IPCEF1: variants seen among roughly 807,000 people sequenced by gnomAD.
IPCEF1 encodes the protein interactor protein for cytohesin exchange factors 1.
Under a neutral mutation model 50.9 loss-of-function variants are expected in IPCEF1, and 31 were observed. The observed-to-expected ratio is 0.61, with a 90% confidence interval of 0.46 to 0.82. The LOEUF (loss-of-function observed/expected upper bound fraction) is 0.82, where lower values mean the gene tolerates loss of function less well. Among genes scored for constraint, IPCEF1 ranks in the 40% least tolerant of loss-of-function variants. The probability of loss-of-function intolerance (pLI) is 0.00; values close to 1 mark genes in which losing one functional copy is unlikely to be tolerated. For synonymous variants in IPCEF1, 181 were observed against 192.0 expected, an observed-to-expected ratio of 0.94 and a Z score of 0.47; for missense variants, 458 against 514.0, an observed-to-expected ratio of 0.89 and a Z score of 1.05.
chr6:154,283,001 T>G (rs1194342211), intron 2 of IPCEF1, among the ~76,000 whole-genome samples: 1 of 151,950 alleles, frequency 6.6e-6, no homozygotes, highest in African/African-American at 2.4e-5. Context: ...TTTTCAAAGA[T>G]GTATATTTGA....
intron 1 of IPCEF1, among the ~76,000 whole-genome samples, chr6:154,354,437 T>C (rs1287768520): frequency 1.5e-3 from 205 of 134,978 alleles, no homozygotes; most frequent in Non-Finnish European, 2.3e-3. Context: ...ACCTCCACCA[T>C]CTCCTCCACC....
At chr6:154,273,727 T>TC (rs1375876665) in intron 2 of IPCEF1, among the ~76,000 whole-genome samples, 30 of 17,334 alleles carry the variant, frequency 1.7e-3, no homozygotes, top group South Asian at 6.2e-3. Flanking sequence ...TTTCTTTCTT[T>TC]TTTTTTTTTT....
At chr6:154,259,656 A>G (rs1781546442) in intron 3 of IPCEF1, among the ~76,000 whole-genome samples, 1 of 152,056 alleles carries the variant, frequency 6.6e-6, no homozygotes, top group African/African-American at 2.4e-5. Context: ...CTGTCTAAAA[A>G]TAAATAAATA....
intron 5 of IPCEF1, among the ~76,000 whole-genome samples, chr6:154,224,362 T>C (rs943805984): frequency 1.3e-5 from 2 of 152,198 alleles, no homozygotes; most frequent in Non-Finnish European, 2.9e-5. Context: ...CTCTCTCTTA[T>C]GTGACTCAAC....
chr6:154,245,613 C>A (rs574346171), intron 5 of IPCEF1, among the ~76,000 whole-genome samples: 1 of 152,180 alleles, frequency 6.6e-6, no homozygotes, highest in African/African-American at 2.4e-5. Flanking sequence ...TGCATGCCCA[C>A]GTCATTTCAC....
At chr6:154,187,753 C>A (rs1028066704) in intron 10 of IPCEF1, among the ~76,000 whole-genome samples, 11 of 152,312 alleles carry the variant, frequency 7.2e-5, no homozygotes, top group African/African-American at 2.6e-4. Flanking sequence ...ATTTCAGATA[C>A]AACTTTCACA....
At chr6:154,316,546 C>T (rs1321848672) in intron 1 of IPCEF1, among the ~76,000 whole-genome samples, 5 of 152,198 alleles carry the variant, frequency 3.3e-5, no homozygotes, top group Admixed American at 2.0e-4. Flanking sequence ...CATACTCTCA[C>T]TTACATGTGG....
chr6:154,244,872 C>T (rs1423625850), intron 5 of IPCEF1, among the ~76,000 whole-genome samples: 4 of 152,192 alleles, frequency 2.6e-5, no homozygotes, highest in East Asian at 1.9e-4. Flanking sequence ...GCTCCATCAG[C>T]GTCCAATCTT....
chr6:154,237,074 A>G (rs1241016095), intron 5 of IPCEF1, among the ~76,000 whole-genome samples: 1 of 152,234 alleles, frequency 6.6e-6, no homozygotes, highest in East Asian at 1.9e-4. Flanking sequence ...GTGACAGATG[A>G]GTCTATCAAT....
intron 1 of IPCEF1, among the ~76,000 whole-genome samples, chr6:154,302,526 G>A (rs1012175324): frequency 1.3e-5 from 2 of 152,146 alleles, no homozygotes; most frequent in African/African-American, 2.4e-5. Context: ...CCAGGATGGA[G>A]TGCAGTGGCA....
intron 5 of IPCEF1, among the ~76,000 whole-genome samples, chr6:154,241,449 T>C (rs1583885136): frequency 6.6e-6 from 1 of 152,060 alleles, no homozygotes; most frequent in African/African-American, 2.4e-5. Flanking sequence ...TAAGCGACGG[T>C]GAATCTAAAT....
At chr6:154,230,713 C>T (rs576477619) in intron 5 of IPCEF1, among the ~76,000 whole-genome samples, 8 of 152,172 alleles carry the variant, frequency 5.3e-5, no homozygotes, top group Non-Finnish European at 8.8e-5. Flanking sequence ...TTCAATGAAA[C>T]CATAGTTCCT....
At chr6:154,274,749 C>A (rs1782012298) in intron 2 of IPCEF1, among the ~76,000 whole-genome samples, 1 of 152,154 alleles carries the variant, frequency 6.6e-6, no homozygotes, top group Non-Finnish European at 1.5e-5. Flanking sequence ...TGGGCCACAC[C>A]CTGGCCAATC....
rs561606660 is a variant in IPCEF1, at chr6:154,228,361, G to A, written c.247-5118C>T. 5.9e-5 allele frequency among the ~76,000 whole-genome samples: 9 copies of A among 151,606 alleles called. No individual in the cohort carries two copies. In the South Asian group the frequency reaches 1.5e-3, roughly 25 times the overall value. Reference sequence around the variant, plus strand: ...ATGCTGGTACCTGCAAGCTTCCCTCGAAATCCTGATGTAATAAAAAACTTG... The same window carrying A: ...ATGCTGGTACCTGCAAGCTTCCCTCAAAATCCTGATGTAATAAAAAACTTG... On this transcript the variant is annotated intron_variant, in intron 5 of 11. Transcript: ENST00000367220.
At chr6:154,292,657 C>T (rs1404020941) in intron 1 of IPCEF1, among the ~76,000 whole-genome samples, 1 of 152,164 alleles carries the variant, frequency 6.6e-6, no homozygotes, top group African/African-American at 2.4e-5. Flanking sequence ...TGTCCAAACT[C>T]TTTGCCTTAC....
Position 154,200,051 on chromosome 6 carries a change from CAAAT to C in IPCEF1, c.538-15_538-12del. 6.4e-7 allele frequency: 1 copy of C among 1,568,962 alleles called. No homozygotes were observed. Among genetic ancestry groups the C allele is most frequent in the Non-Finnish European group, 8.6e-7 (1 of 1,160,826 alleles). Reference sequence around the variant, plus strand: ...TGCCTGCTGTGCAGTCTATTTTTCACAAATAAAACCAAAAAAAGAATAAAAGACA... The same window carrying C: ...TGCCTGCTGTGCAGTCTATTTTTCACAAAACCAAAAAAAGAATAAAAGACA... On this transcript the variant is annotated splice_polypyrimidine_tract_variant and intron_variant, in intron 9 of 11. Transcript: ENST00000367220.
chr6:154,340,009 C>T (rs912325551), intron 1 of IPCEF1, among the ~76,000 whole-genome samples: 4 of 152,194 alleles, frequency 2.6e-5, no homozygotes, highest in African/African-American at 9.6e-5. Flanking sequence ...TAGATCAAGG[C>T]TGGAAAGATG....
Position 154,277,996 on chromosome 6 carries a change from A to G in IPCEF1, c.-18+11717T>C, listed in dbSNP as rs146004404. Among the ~76,000 whole-genome samples the G allele has an allele frequency of 3.4e-3, 510 of 152,000 alleles. 1 individual carries two copies. Among genetic ancestry groups the G allele is most frequent in the African/African-American group, 0.012 (495 of 41,436 alleles). On this transcript the variant is annotated intron_variant, in intron 2 of 11. Transcript: ENST00000367220. The stretch of plus-strand genomic sequence containing the variant: ...ACCCACCTCCTCATCTTCCATGCAC[A>G]CGTGCACCTTCCTCTCTCCCTCCTG...
chr6:154,217,752 T>C (rs1196187840), intron 7 of IPCEF1, among the ~76,000 whole-genome samples: 3 of 152,202 alleles, frequency 2.0e-5, no homozygotes, highest in African/African-American at 7.2e-5. Context: ...GCTTATACCT[T>C]AGTTCATAAT....
Sources: allele counts gnomAD v4.1 joint callset (sites outside exome capture counted in the v4.1 genomes callset), GRCh38; gene constraint gnomAD v4.1.1; transcripts MANE v1.5; gene names NCBI Gene and HGNC (gene_info 2026-07-23, HGNC 2026-07-21).